The following MGAT4C variants were observed in gnomAD, a reference collection of about 807,000 sequenced individuals.
MGAT4C encodes the protein alpha-1,3-mannosyl-glycoprotein 4-beta-N-acetylglucosaminyltransferase C.
In MGAT4C, 19 loss-of-function variants were observed where a neutral mutation model predicts 40.1. The ratio of observed to expected loss-of-function variants is 0.47; its 90% confidence interval spans 0.33 to 0.70. The LOEUF (loss-of-function observed/expected upper bound fraction) is 0.70. MGAT4C is among the 30% of genes least tolerant of loss of function. The pLI, the probability that MGAT4C is intolerant of heterozygous loss-of-function variation, is 0.02. For missense variants in MGAT4C, 491 were observed against 563.2 expected, an observed-to-expected ratio of 0.87 and a Z score of 1.30; for synonymous variants, 181 against 187.1, an observed-to-expected ratio of 0.97 and a Z score of 0.27.
At chr12:86,590,631 A>G (rs1961292713) in intron 2 of MGAT4C, among the ~76,000 whole-genome samples, 1 of 152,038 alleles carries the variant, frequency 6.6e-6, no homozygotes, top group African/African-American at 2.4e-5. Flanking sequence ...ATTAACAGCA[A>G]TGTGATTATG....
At chr12:86,539,387 G>A (rs1038481636) in intron 2 of MGAT4C, among the ~76,000 whole-genome samples, 5 of 152,170 alleles carry the variant, frequency 3.3e-5, no homozygotes, top group African/African-American at 1.2e-4. Context: ...GTATTCCATG[G>A]TGTACATGTG....
At position 85,958,701 on chromosome 12, in the gene MGAT4C, G is replaced by GTTTAATT. The variant is rs1281471162; in HGVS notation, c.*20581_*20587dup. The GTTTAATT allele has an allele frequency of 6.6e-6, 1 of 151,774 alleles. No individual in the cohort carries two copies. The highest frequency in any genetic ancestry group is 2.4e-5 in the African/African-American group (1 of 41,330). The allele number at this position is 151,774 out of a possible 1,614,324, so 9.4% of individuals were successfully genotyped here. A position where few individuals can be genotyped will look rare whatever the true frequency, so the allele number is the denominator to read the frequency against. ...CAACTAGCAATTTTAAAGACTTAAA[G>GTTTAATT]TTTAATTTTTATTATTAAAAGGGTA... On this transcript the variant is annotated 3_prime_UTR_variant, in exon 5 of 5. Transcript: ENST00000611864.
At chr12:86,569,969 T>C (rs1960295935) in intron 2 of MGAT4C, among the ~76,000 whole-genome samples, 1 of 152,084 alleles carries the variant, frequency 6.6e-6, no homozygotes, top group African/African-American at 2.4e-5. Context: ...AAATACATTA[T>C]CTCACTTATA....
intron 2 of MGAT4C, among the ~76,000 whole-genome samples, chr12:86,523,154 T>A (rs1958824478): frequency 6.6e-6 from 1 of 151,888 alleles, no homozygotes; most frequent in South Asian, 2.1e-4. Context: ...TGATGTTGTG[T>A]GTTGTGCTTT....
intron 1 of MGAT4C, among the ~76,000 whole-genome samples, chr12:86,829,592 C>A (rs1046079034): frequency 6.6e-6 from 1 of 151,272 alleles, no homozygotes; most frequent in Admixed American, 6.6e-5. Context: ...CAAAAAAAAT[C>A]AAGTGTATTC....
At chr12:85,989,923 A>C (rs1260022449) in intron 2 of MGAT4C, among the ~76,000 whole-genome samples, 1 of 152,116 alleles carries the variant, frequency 6.6e-6, no homozygotes, top group Admixed American at 6.5e-5. Context: ...TTAAGGTAAC[A>C]TTTACCTCTC....
At chr12:86,592,242 T>C (rs1309905238) in intron 2 of MGAT4C, among the ~76,000 whole-genome samples, 2 of 152,080 alleles carry the variant, frequency 1.3e-5, no homozygotes, top group African/African-American at 4.8e-5. Flanking sequence ...ATTAGTGTGA[T>C]GGAAGCAGCT....
chr12:86,502,182 G>A (rs1384272223), intron 2 of MGAT4C, among the ~76,000 whole-genome samples: 2 of 152,004 alleles, frequency 1.3e-5, no homozygotes, highest in Non-Finnish European at 2.9e-5. Flanking sequence ...AACCCTATAA[G>A]TCAAGTCACA....
chr12:86,181,286 A>G (rs550440164), intron 1 of MGAT4C, among the ~76,000 whole-genome samples: 1 of 152,180 alleles, frequency 6.6e-6, no homozygotes, highest in African/African-American at 2.4e-5. Context: ...GCAGCATGAA[A>G]AAAAACTAAT....
chr12:86,608,665 T>C (rs1335149140), intron 2 of MGAT4C, among the ~76,000 whole-genome samples: 2 of 151,944 alleles, frequency 1.3e-5, no homozygotes, highest in African/African-American at 2.4e-5. Context: ...AATAGACTTA[T>C]TTTCATAAAA....
rs138719454 is a variant in MGAT4C at position 86,833,154 on chromosome 12, T to A, written c.-262+5512A>T. On this transcript the variant is annotated intron_variant, in intron 1 of 7. Transcript: ENST00000548651. ...AAGTTTAGAAAATTTAGGAAACACC[T>A]TACCAAAGTAGGAAATTTGATCAAA... is the stretch of plus-strand genomic sequence containing the variant. 3.9e-3 allele frequency among the ~76,000 whole-genome samples: 593 copies of A among 151,978 alleles called. 2 individuals are homozygous for A. The highest frequency in any genetic ancestry group is 0.014 in the African/African-American group (579 of 41,512).
At chr12:86,204,564 T>G (rs1213817926) in intron 1 of MGAT4C, among the ~76,000 whole-genome samples, 1 of 152,164 alleles carries the variant, frequency 6.6e-6, no homozygotes, top group Non-Finnish European at 1.5e-5. Flanking sequence ...CATACAACTT[T>G]CAAATAGATA....
At position 85,979,402 on chromosome 12, in the gene MGAT4C, T is replaced by C; in HGVS notation, c.1324A>G (p.Met442Val). The C allele has an allele frequency of 6.2e-7, 1 of 1,613,180 alleles. No individual in the cohort carries two copies. The highest frequency in any genetic ancestry group is 1.1e-5 in the South Asian group (1 of 91,054). The change falls in exon 5 of 5, where the codon ATG becomes GTG. Residue 442 changes from methionine to valine, a missense_variant. Coordinates refer to ENST00000611864, the MANE Select transcript of MGAT4C (RefSeq NM_001351288.2). ...GGAATTTTTTGATTTACACCTGACA[T>C]TTCAAAGTTTCCATTTTTGAATTCT... ...LGEFKNGNFE[M>V]SGVNQKIPFD...
chr12:86,564,898 A>T (rs1271094244), intron 2 of MGAT4C, among the ~76,000 whole-genome samples: 1 of 152,172 alleles, frequency 6.6e-6, no homozygotes, highest in Non-Finnish European at 1.5e-5. Flanking sequence ...CATATGACTC[A>T]GCAGATCCAA....
chr12:86,313,556 A>C (rs940638219), intron 4 of MGAT4C, among the ~76,000 whole-genome samples: 1 of 152,186 alleles, frequency 6.6e-6, no homozygotes, highest in Non-Finnish European at 1.5e-5. Flanking sequence ...GTTAACTAAA[A>C]GCAGAAAAAA....
intron 4 of MGAT4C, among the ~76,000 whole-genome samples, chr12:86,283,486 G>A (rs1247174743): frequency 6.6e-6 from 1 of 151,734 alleles, no homozygotes; most frequent in Admixed American, 6.6e-5. Context: ...ATCTAAGACA[G>A]GACATAAGAG....
At chr12:86,820,524 A>C (rs1173616493) in intron 1 of MGAT4C, among the ~76,000 whole-genome samples, 1 of 150,888 alleles carries the variant, frequency 6.6e-6, no homozygotes, top group Admixed American at 6.6e-5. Context: ...TTCCAACCTA[A>C]TAATTTGCCT....
At chr12:86,137,595 G>A (rs1022944109) in intron 1 of MGAT4C, among the ~76,000 whole-genome samples, 3 of 151,968 alleles carry the variant, frequency 2.0e-5, no homozygotes, top group East Asian at 1.9e-4. Flanking sequence ...CACCTTATAC[G>A]CTCAAGAAAA....
intron 2 of MGAT4C, among the ~76,000 whole-genome samples, chr12:86,658,264 A>G (rs1963896400): frequency 6.6e-6 from 1 of 152,106 alleles, no homozygotes; most frequent in Non-Finnish European, 1.5e-5. Flanking sequence ...TCAATTGAAT[A>G]GCAGAGGTTT....
Sources: gnomAD v4.1 joint callset for allele counts (sites outside exome capture counted in the v4.1 genomes callset) on GRCh38, gnomAD v4.1.1 for gene constraint, MANE v1.5 for transcripts, NCBI Gene and HGNC (gene_info 2026-07-23, HGNC 2026-07-21) for gene names.